Variants in TALDO1 observed in about 807,000 individuals in gnomAD.
TALDO1 encodes the protein transaldolase 1.
TALDO1 carries 29 observed loss-of-function variants against 38.1 expected under a neutral mutation model. The ratio of observed to expected loss-of-function variants is 0.76; its 90% CI spans 0.57 to 1.04. The LOEUF is 1.04. Among genes scored for constraint, TALDO1 ranks in the 50% least tolerant of loss-of-function variants. TALDO1 has a pLI of 0.00. For synonymous variants in TALDO1, 207 were observed against 176.8 expected (o/e 1.17, Z -1.36); for missense variants, 499 against 438.1 (o/e 1.14, Z -1.24).
At position 764,451 on chromosome 11, in the gene TALDO1, G is replaced by A. The variant is rs757824344; in HGVS notation, c.981+18G>A. ...TGCTGACAGTGAGTGTTGTGTGTGG[G>A]TACCTACATATGCCAAGCCCTATGA... On this transcript the variant is annotated intron_variant, in intron 7 of 7. Coordinates refer to ENST00000319006, the MANE Select transcript of TALDO1 (RefSeq NM_006755.2). The A allele has an allele frequency of 2.5e-6, 4 of 1,613,248 alleles. No individual in the cohort carries two copies. Among genetic ancestry groups the A allele is most frequent in the Non-Finnish European group, 3.4e-6 (4 of 1,179,576 alleles).
chr11:764,218 C>T, intron 6 of TALDO1, 70 bp from the exon 7 acceptor site: 1 of 1,611,020 alleles, frequency 6.2e-7, no homozygotes, highest in South Asian at 1.1e-5. Flanking sequence ...GCAGTTCAGG[C>T]CCTGAGCCCA....
chr11:755,563 G>A (rs995837049), intron 1 of TALDO1, among the ~76,000 whole-genome samples: 2 of 152,152 alleles, frequency 1.3e-5, no homozygotes, highest in Non-Finnish European at 2.9e-5. Context: ...GTACGGCAGT[G>A]GGATGCACAT....
At chr11:750,311 C>T (rs1862728884) in intron 1 of TALDO1, among the ~76,000 whole-genome samples, 1 of 151,878 alleles carries the variant, frequency 6.6e-6, no homozygotes, top group African/African-American at 2.4e-5. Context: ...ATGGTAAAAC[C>T]CCATCTCTAC....
chr11:763,592 C>T (rs980434190), intron 5 of TALDO1, 73 bp downstream of exon 5: 49 of 1,595,668 alleles, frequency 3.1e-5, no homozygotes, highest in African/African-American at 4.0e-5. Flanking sequence ...GAGCCCGAGA[C>T]GGAGCTGCCG....
intron 6 of TALDO1, 133 bp downstream of exon 6, chr11:764,077 C>T: frequency 7.4e-7 from 1 of 1,345,990 alleles, no homozygotes; most frequent in Non-Finnish European, 1.0e-6. Context: ...AAGTAGACCT[C>T]AACGGAGGGC....
At position 764,276 on chromosome 11, in the gene TALDO1, C is replaced by T. The variant is rs1000807601; in HGVS notation, c.836-12C>T. 1.9e-6 allele frequency: 3 copies of T among 1,614,112 alleles called. No individual in the cohort carries two copies. Among genetic ancestry groups the T allele is most frequent in the African/African-American group, 1.3e-5 (1 of 75,054 alleles). ...ATGGAGCAGGCATGGAAGGCTGGTT[C>T]TTGTCCCCCAGCCCAAGCCAGTGAC... On this transcript the variant is annotated splice_polypyrimidine_tract_variant and intron_variant, in intron 6 of 7. Transcript: ENST00000319006.
rs1055646662 is a variant in TALDO1 at position 756,114 on chromosome 11, G to GA, written c.221+119dup. On this transcript the variant is annotated intron_variant, in intron 2 of 7. Transcript: ENST00000319006. ...CTCAAACACCATGAACTCAAGGGGG[G>GA]AAAAAAACCCTATCTTTTTGCCTAT... 10 of 1,427,950 alleles carry GA rather than the reference G, an allele frequency of 7.0e-6. No individual in the cohort carries two copies. The Admixed American group carries it at 7.4e-5, about 11-fold the overall frequency. The allele number at this position is 1,427,950 out of a possible 1,614,324, so 88.5% of individuals were successfully genotyped here. A position where few individuals can be genotyped will look rare whatever the true frequency, so the allele number is the denominator to read the frequency against.
At chr11:751,260 C>G (rs894134418) in intron 1 of TALDO1, among the ~76,000 whole-genome samples, 1 of 152,092 alleles carries the variant, frequency 6.6e-6, no homozygotes, top group African/African-American at 2.4e-5. Flanking sequence ...CATGTGGTAT[C>G]TGTGTTGAAG....
At chr11:763,997 C>A in intron 6 of TALDO1, 53 bp downstream of exon 6, 1 of 1,586,048 alleles carries the variant, frequency 6.3e-7, no homozygotes. Flanking sequence ...CCAGCACTGC[C>A]GTGCCACGCT....
intron 4 of TALDO1, among the ~76,000 whole-genome samples, chr11:761,213 G>A (rs773244541): frequency 6.6e-5 from 10 of 151,584 alleles, no homozygotes; most frequent in Non-Finnish European, 1.3e-4. Context: ...GCAGGTGCCT[G>A]TAATCCTAGC....
Position 764,359 on chromosome 11 carries a change from A to G in TALDO1, c.907A>G (p.Met303Val). The change falls in exon 7 of 8, where the codon ATG becomes GTG. Residue 303 changes from methionine (M) to valine (V), a missense_variant. By Grantham distance (21) the Met-to-Val change is conservative. Transcript: ENST00000319006. ...CCGTTGGTTGCACAACGAGGACCAG[A>G]TGGCTGTGGAGAAGCTCTCTGACGG... ...SFRWLHNEDQMAVEKLSDGIR... is the reference protein window; with the variant it reads ...SFRWLHNEDQVAVEKLSDGIR... 6.2e-7 allele frequency: 1 copy of G among 1,614,270 alleles called. No homozygotes were observed. The highest frequency in any genetic ancestry group is 8.5e-7 in the Non-Finnish European group (1 of 1,180,040).
In TALDO1 at chr11:763,528, C is replaced by T. The variant is rs776197071; in HGVS notation, c.637+9C>T. Reference sequence around the variant, plus strand: ...GCCCCTGGAAGACCCTGGTGAGGGTCCCTCTGTGGTAATGGGGTAAGGGGA... The same window carrying T: ...GCCCCTGGAAGACCCTGGTGAGGGTTCCTCTGTGGTAATGGGGTAAGGGGA... On this transcript the variant is annotated intron_variant, in intron 5 of 7. Transcript: ENST00000319006. 42 of 1,613,320 alleles carry T rather than the reference C, an allele frequency of 2.6e-5. 1 individual carries two copies. Among genetic ancestry groups the T allele is most frequent in the Middle Eastern group, 1.6e-4 (1 of 6,082 alleles).
At chr11:754,225 T>G (rs987573760) in intron 1 of TALDO1, among the ~76,000 whole-genome samples, 1 of 151,956 alleles carries the variant, frequency 6.6e-6, no homozygotes, top group Admixed American at 6.6e-5. Flanking sequence ...CCTCAAGTGA[T>G]CCACCCCCGT....
intron 1 of TALDO1, among the ~76,000 whole-genome samples, chr11:749,142 C>T (rs1318704145): frequency 3.9e-5 from 6 of 152,278 alleles, no homozygotes; most frequent in South Asian, 2.1e-4. Context: ...AGGTGGCTCA[C>T]GCCTGTAATC....
intron 7 of TALDO1, 153 bp downstream of exon 7, chr11:764,586 C>T: frequency 7.2e-7 from 1 of 1,393,898 alleles, no homozygotes; most frequent in Non-Finnish European, 9.9e-7. Context: ...GAGGCCATCC[C>T]AGGGTGGAGG....
intron 7 of TALDO1, 36 bp downstream of exon 7, chr11:764,469 C>T (rs1863013757): frequency 1.2e-6 from 2 of 1,609,976 alleles, no homozygotes; most frequent in African/African-American, 1.3e-5. Flanking sequence ...ATATGCCAAG[C>T]CCTATGAGAG....
chr11:748,807 C>T (rs540976882), intron 1 of TALDO1, among the ~76,000 whole-genome samples: 2 of 152,342 alleles, frequency 1.3e-5, no homozygotes, highest in African/African-American at 4.8e-5. Flanking sequence ...ACACACAGCC[C>T]CCCCGTTGTA....
At chr11:763,194 GCCCTCACCT>G in intron 4 of TALDO1, 141 bp from the exon 5 acceptor site, 1 of 234,342 alleles carries the variant, frequency 4.3e-6, no homozygotes, top group Non-Finnish European at 7.7e-6. Context: ...CACCTGCCCC[GCCCTCACCT>G]GCCCCGCCCT....
At chr11:759,934 G>A (rs943413501) in intron 3 of TALDO1, among the ~76,000 whole-genome samples, 188 bp from the exon 4 acceptor site, 2 of 152,116 alleles carry the variant, frequency 1.3e-5, no homozygotes, top group Non-Finnish European at 2.9e-5. Flanking sequence ...ACCTCTGTTT[G>A]TGAGACTGGG....
Sources: allele counts gnomAD v4.1 joint callset (sites outside exome capture counted in the v4.1 genomes callset), GRCh38; gene constraint gnomAD v4.1.1; transcripts MANE v1.5; gene names NCBI Gene and HGNC (gene_info 2026-07-23, HGNC 2026-07-21).